MAF: variants seen among roughly 807,000 people sequenced by gnomAD.
The protein encoded by MAF is transcription factor Maf.
MAF carries 10 observed loss-of-function variants against 22.0 expected under a neutral mutation model. The observed-to-expected ratio is 0.45, with a 90% CI of 0.28 to 0.77. MAF has a LOEUF of 0.77. MAF is among the 30% of genes least tolerant of loss of function. The pLI is 0.12. For missense variants in MAF, 544 were observed against 548.4 expected (o/e 0.99, Z 0.08); for synonymous variants, 337 against 255.8 (o/e 1.32, Z -3.03).
At chr16:79,389,837 G>A in the MAF span, among the ~76,000 whole-genome samples, 6 of 151,580 alleles carry the variant, frequency 4.0e-5, no homozygotes, top group Non-Finnish European at 8.8e-5. Flanking sequence ...TTAGCCAGGC[G>A]TGGTGGTGGG....
At chr16:79,447,891 C>CAAAAA in the MAF span, among the ~76,000 whole-genome samples, 25 of 72,452 alleles carry the variant, frequency 3.5e-4, no homozygotes, top group African/African-American at 1.2e-3. Context: ...GATTCCATCT[C>CAAAAA]AAAAAAAAAA....
the MAF span, among the ~76,000 whole-genome samples, chr16:79,529,961 CAA>C: frequency 1.4e-3 from 210 of 145,096 alleles, 1 homozygote; most frequent in Middle Eastern, 0.01. Flanking sequence ...AACTCCATCT[CAA>C]AAAAAAAAAA....
the MAF span, among the ~76,000 whole-genome samples, chr16:79,242,378 A>AG: frequency 8.8e-5 from 13 of 147,372 alleles, no homozygotes; most frequent in African/African-American, 3.0e-4. Flanking sequence ...AAAAAAAAAG[A>AG]AAAAAAAAAG....
chr16:79,384,262 G>A, the MAF span, among the ~76,000 whole-genome samples: 1 of 151,930 alleles, frequency 6.6e-6, no homozygotes, highest in East Asian at 1.9e-4. Context: ...TGGCCAACAT[G>A]GTGAAACCCC....
the MAF span, among the ~76,000 whole-genome samples, chr16:79,567,402 A>T: frequency 6.6e-6 from 1 of 152,224 alleles, no homozygotes; most frequent in Admixed American, 6.5e-5. Context: ...GATTATACAC[A>T]TACACAGATA....
chr16:79,487,976 A>G, the MAF span, among the ~76,000 whole-genome samples: 1 of 152,226 alleles, frequency 6.6e-6, no homozygotes. Context: ...AGGAAATTAG[A>G]CAGCCTGTCA....
chr16:79,255,929 T>G, the MAF span, among the ~76,000 whole-genome samples: 14 of 151,994 alleles, frequency 9.2e-5, no homozygotes, highest in Admixed American at 7.9e-4. Flanking sequence ...CTATTATTGT[T>G]AGCTAGAGAG....
the MAF span, among the ~76,000 whole-genome samples, chr16:79,251,219 CGCTG>C: frequency 1.3e-5 from 2 of 152,034 alleles, no homozygotes; most frequent in African/African-American, 2.4e-5. Context: ...GAAATTTGGC[CGCTG>C]ATTGCGCATT....
At chr16:79,515,860 G>C in the MAF span, 68 of 152,092 alleles carry the variant, frequency 4.5e-4, no homozygotes, top group African/African-American at 1.6e-3. Flanking sequence ...GGTTGAGATG[G>C]AGCCTCCATC....
At chr16:79,476,471 T>A in the MAF span, among the ~76,000 whole-genome samples, 5,735 of 152,296 alleles carry the variant, frequency 0.038, 382 homozygotes, top group African/African-American at 0.13. Context: ...GAAGTGTGCA[T>A]CGACATTTGA....
the MAF span, among the ~76,000 whole-genome samples, chr16:79,301,021 A>G: frequency 1.3e-5 from 2 of 152,034 alleles, no homozygotes; most frequent in Non-Finnish European, 1.5e-5. Context: ...GGGAGGGGAC[A>G]CTCAGGCACA....
chr16:79,499,704 G>A, the MAF span, among the ~76,000 whole-genome samples: 1 of 152,122 alleles, frequency 6.6e-6, no homozygotes, highest in Non-Finnish European at 1.5e-5. Context: ...CACCAAATGG[G>A]CTGGCACCTT....
chr16:79,375,973 T>C, the MAF span, among the ~76,000 whole-genome samples: 84 of 152,242 alleles, frequency 5.5e-4, no homozygotes, highest in African/African-American at 1.9e-3. Context: ...TAACAATGAA[T>C]CCTTCACAAT....
the MAF span, among the ~76,000 whole-genome samples, chr16:79,534,305 C>A: frequency 4.5e-4 from 69 of 152,298 alleles, no homozygotes; most frequent in African/African-American, 1.6e-3. Flanking sequence ...CCTCCTGTGT[C>A]TCCTTCTACC....
At chr16:79,418,074 T>C in the MAF span, among the ~76,000 whole-genome samples, 1 of 152,234 alleles carries the variant, frequency 6.6e-6, no homozygotes, top group South Asian at 2.1e-4. Context: ...GACCCTTTTT[T>C]ACATCTCAAG....
chr16:79,545,448 G>C, the MAF span, among the ~76,000 whole-genome samples: 2 of 151,842 alleles, frequency 1.3e-5, no homozygotes, highest in South Asian at 4.1e-4. Context: ...ACCCATTTGA[G>C]CATGAGTACA....
the MAF span, chr16:79,211,592 CTTCTTGGA>C: frequency 6.2e-7 from 1 of 1,613,936 alleles, no homozygotes; most frequent in South Asian, 1.1e-5. Flanking sequence ...TTTTGTCTTT[CTTCTTGGA>C]TTTCCAGCAA....
chr16:79,245,391 G>C, the MAF span, among the ~76,000 whole-genome samples: 1 of 151,964 alleles, frequency 6.6e-6, no homozygotes, highest in Non-Finnish European at 1.5e-5. Flanking sequence ...ATCAAAAAGT[G>C]GGCAAAGGAT....
At chr16:79,359,507 T>C in the MAF span, among the ~76,000 whole-genome samples, 1 of 152,240 alleles carries the variant, frequency 6.6e-6, no homozygotes, top group South Asian at 2.1e-4. Context: ...TAATGCTTAA[T>C]GTGCTCTATC....
Sources: gnomAD v4.1 joint callset for allele counts (sites outside exome capture counted in the v4.1 genomes callset) on GRCh38, gnomAD v4.1.1 for gene constraint, MANE v1.5 for transcripts, NCBI Gene and HGNC (gene_info 2026-07-23, HGNC 2026-07-21) for gene names.